Variants in ASIP observed in about 807,000 individuals in gnomAD.
ASIP encodes agouti-signaling protein.
ASIP carries 11 observed loss-of-function variants against 10.3 expected under a neutral mutation model. The observed-to-expected ratio is 1.07, with a 90% CI of 0.68 to 1.78. ASIP has a LOEUF of 1.78. Among genes scored for constraint, ASIP ranks in the 40% most tolerant of loss-of-function variants. The pLI is 0.00. For missense variants in ASIP, 180 were observed against 169.2 expected, an observed-to-expected ratio of 1.06 and a Z score of -0.35; for synonymous variants, 70 against 70.8, an observed-to-expected ratio of 0.99 and a Z score of 0.06.
intron 1 of ASIP, among the ~76,000 whole-genome samples, chr20:34,196,286 T>G (rs1396851068): frequency 6.7e-6 from 1 of 150,306 alleles, no homozygotes; most frequent in Non-Finnish European, 1.5e-5. Context: ...TTCACGCCAT[T>G]CTCCTGCCTC....
intron 1 of ASIP, among the ~76,000 whole-genome samples, chr20:34,221,980 T>C (rs1178064564): frequency 6.6e-6 from 1 of 152,034 alleles, no homozygotes; most frequent in Non-Finnish European, 1.5e-5. Context: ...TGTGGTGGCA[T>C]GTGCCTGTAG....
intron 1 of ASIP, among the ~76,000 whole-genome samples, chr20:34,201,049 TTTC>T (rs1183914242): frequency 3.2e-5 from 4 of 124,886 alleles, no homozygotes; most frequent in Admixed American, 8.5e-5. Flanking sequence ...TCTTTCTTTC[TTTC>T]TTTCTTTCTT....
intron 1 of ASIP, among the ~76,000 whole-genome samples, chr20:34,204,706 T>C (rs2034923486): frequency 6.6e-6 from 1 of 152,236 alleles, no homozygotes; most frequent in East Asian, 1.9e-4. Flanking sequence ...GATTGAGGAA[T>C]TTTTCTTCTA....
At chr20:34,203,514 C>G (rs1392300807) in intron 1 of ASIP, among the ~76,000 whole-genome samples, 1 of 150,570 alleles carries the variant, frequency 6.6e-6, no homozygotes, top group South Asian at 2.1e-4. Context: ...TCTCATGCCT[C>G]AGCCTCCCAA....
chr20:34,223,548 G>C (rs1397967834), intron 1 of ASIP, among the ~76,000 whole-genome samples: 1 of 127,208 alleles, frequency 7.9e-6, no homozygotes, highest in Admixed American at 7.1e-5. Context: ...AGGGAGGTGG[G>C]GGGGTCAGCC....
Position 34,246,286 on chromosome 20 carries a change from T to C in ASIP, c.-11+4797T>C, listed in dbSNP as rs575697794. ...TTTTCTTCTCCTCTTCTTCCCCTGC[T>C]GTTCCTTGACCCTCACTAATTCCAG... is the stretch of plus-strand genomic sequence containing the variant. On this transcript the variant is annotated intron_variant, in intron 1 of 3. Coordinates refer to ENST00000374954, the MANE Select transcript of ASIP (RefSeq NM_001672.3). The C allele has an allele frequency of 1.6e-5, 25 of 1,551,608 alleles. No homozygotes were observed. The East Asian group carries it at 5.3e-4, about 33-fold the overall frequency.
intron 1 of ASIP, among the ~76,000 whole-genome samples, chr20:34,201,009 CTTCCTTCCTTCT>C (rs1401129010): frequency 4.0e-4 from 24 of 60,030 alleles, no homozygotes; most frequent in African/African-American, 1.9e-3. Context: ...TCCTTCCTTC[CTTCCTTCCTTCT>C]TTCTTTCTTT....
chr20:34,267,478 AAAAAAG>A (rs1318811606), intron 3 of ASIP, among the ~76,000 whole-genome samples: 1 of 151,496 alleles, frequency 6.6e-6, no homozygotes, highest in Non-Finnish European at 1.5e-5. Context: ...AAAAAAAAAA[AAAAAAG>A]AACTGTGATG....
upstream of ASIP, among the ~76,000 whole-genome samples, chr20:34,190,800 G>A (rs2034820192): frequency 6.6e-6 from 1 of 152,218 alleles, no homozygotes; most frequent in South Asian, 2.1e-4. Flanking sequence ...ACTTGAGGAT[G>A]TGTTTCGCAG....
rs535977868 is a variant in ASIP at position 34,207,796 on chromosome 20, A to G, written c.-11+13036A>G. Reference sequence around the variant, plus strand: ...TATTTATTTATTTATTTATTTATTTATTTATTTATTTGAGATGGAGTCTCA... The same window carrying G: ...TATTTATTTATTTATTTATTTATTTGTTTATTTATTTGAGATGGAGTCTCA... On this transcript the variant is annotated intron_variant, in intron 1 of 3. Transcript: ENST00000568305. Among the ~76,000 whole-genome samples, 127 of 136,646 alleles carry G rather than the reference A, an allele frequency of 9.3e-4. 1 individual carries two copies. The highest frequency in any genetic ancestry group is 4.2e-3 in the African/African-American group (115 of 27,646). 89.6% of individuals were successfully genotyped at this position (136,646 alleles called of 152,430 possible). A position where few individuals can be genotyped will look rare whatever the true frequency, so the allele number is the denominator to read the frequency against.
At chr20:34,212,035 T>C (rs1228114135) in intron 1 of ASIP, among the ~76,000 whole-genome samples, 1 of 152,216 alleles carries the variant, frequency 6.6e-6, no homozygotes, top group African/African-American at 2.4e-5. Context: ...AACTGCTTAC[T>C]ATGTCCTATA....
At chr20:34,213,493 G>C in intron 1 of ASIP, 1 of 1,407,736 alleles carries the variant, frequency 7.1e-7, no homozygotes, top group Non-Finnish European at 9.7e-7. Context: ...GAAAAAGTCT[G>C]TCTCTAAAGC....
chr20:34,197,577 C>A (rs1011860839), intron 1 of ASIP, among the ~76,000 whole-genome samples: 1 of 152,154 alleles, frequency 6.6e-6, no homozygotes, highest in African/African-American at 2.4e-5. Flanking sequence ...TACGCAGTGA[C>A]CACTGAGTGG....
At chr20:34,253,493 G>C (rs371946711) in intron 1 of ASIP, among the ~76,000 whole-genome samples, 1 of 148,170 alleles carries the variant, frequency 6.7e-6, no homozygotes, top group Non-Finnish European at 1.5e-5. Context: ...ATTTTTTAGA[G>C]ACAGAGTCTT....
chr20:34,237,404 C>G (rs968693441), upstream of ASIP, among the ~76,000 whole-genome samples: 2 of 152,066 alleles, frequency 1.3e-5, no homozygotes, highest in African/African-American at 4.8e-5. Context: ...TATGTTAATT[C>G]CTAATTCTTT....
At chr20:34,258,711 A>T (rs1415607729) in intron 1 of ASIP, among the ~76,000 whole-genome samples, 1 of 70,488 alleles carries the variant, frequency 1.4e-5, no homozygotes. Flanking sequence ...TATATATATT[A>T]TATATATTAT....
chr20:34,222,801 A>C (rs1176765847), intron 1 of ASIP, among the ~76,000 whole-genome samples: 1 of 151,522 alleles, frequency 6.6e-6, no homozygotes, highest in Non-Finnish European at 1.5e-5. Context: ...GCCACGCCTG[A>C]CTGGTTTTGG....
upstream of ASIP, among the ~76,000 whole-genome samples, chr20:34,236,480 G>A (rs532702029): frequency 5.3e-5 from 8 of 152,140 alleles, no homozygotes; most frequent in East Asian, 5.8e-4. Context: ...GGAGGTGGAC[G>A]TTGCAGTGAG....
At chr20:34,231,828 A>G (rs145124539) in intron 1 of ASIP, among the ~76,000 whole-genome samples, 4 of 152,350 alleles carry the variant, frequency 2.6e-5, no homozygotes, top group Admixed American at 2.6e-4. Flanking sequence ...GAATTTCTCA[A>G]ATTAAAAAGA....
Sources: gnomAD v4.1 joint callset for allele counts (sites outside exome capture counted in the v4.1 genomes callset) on GRCh38, gnomAD v4.1.1 for gene constraint, MANE v1.5 for transcripts, NCBI Gene and HGNC (gene_info 2026-07-23, HGNC 2026-07-21) for gene names.